The following GRIA1 variants were observed in gnomAD, a reference collection of about 807,000 sequenced individuals.
GRIA1 encodes the protein glutamate ionotropic receptor AMPA type subunit 1, also known as glutamate receptor 1.
A neutral mutation model predicts 99.2 loss-of-function variants in GRIA1; 31 were observed. The observed-to-expected ratio is 0.31, with a 90% confidence interval of 0.23 to 0.42. The LOEUF is 0.42. GRIA1 is among the 10% of genes least tolerant of loss of function. The pLI is 1.00. For synonymous variants in GRIA1, 438 were observed against 432.4 expected, an observed-to-expected ratio of 1.01 and a Z score of -0.16; for missense variants, 782 against 1,157.5, an observed-to-expected ratio of 0.68 and a Z score of 4.71.
intron 5 of GRIA1, among the ~76,000 whole-genome samples, chr5:153,670,510 A>G (rs1409150969): frequency 1.3e-5 from 2 of 152,200 alleles, no homozygotes; most frequent in Non-Finnish European, 2.9e-5. Context: ...CATGTTGTAA[A>G]TAGGCAAAGT....
chr5:153,697,452 T>C (rs1318466514), intron 8 of GRIA1, among the ~76,000 whole-genome samples: 1 of 152,136 alleles, frequency 6.6e-6, no homozygotes, highest in East Asian at 1.9e-4. Flanking sequence ...ATTTGAAAAA[T>C]TAATATTGTC....
chr5:153,731,844 C>T lies in GRIA1; in HGVS notation c.1823+25777C>T, dbSNP rs149151082. Among the ~76,000 whole-genome samples the T allele has an allele frequency of 4.2e-3, 641 of 152,118 alleles. 3 individuals carry two copies. Among genetic ancestry groups the T allele is most frequent in the African/African-American group, 0.014 (600 of 41,518 alleles). ...GTTTCTAAGCTGCACCTTAGGTATC[C>T]GGAACTTATTATTCGTTTTATAACT... On this transcript the variant is annotated intron_variant, in intron 11 of 15. Coordinates refer to ENST00000285900, the MANE Select transcript of GRIA1 (RefSeq NM_000827.4).
intron 2 of GRIA1, among the ~76,000 whole-genome samples, chr5:153,596,640 G>T (rs1198224981): frequency 6.6e-6 from 1 of 152,126 alleles, no homozygotes; most frequent in Non-Finnish European, 1.5e-5. Context: ...TCTGACGCTG[G>T]AAAAGCTGGG....
chr5:153,532,547 G>C (rs1246767792), intron 2 of GRIA1, among the ~76,000 whole-genome samples: 1 of 152,176 alleles, frequency 6.6e-6, no homozygotes, highest in East Asian at 1.9e-4. Context: ...TGGAACGTGT[G>C]CTCTTCAGTT....
At chr5:153,798,715 T>C (rs1355809561) in intron 14 of GRIA1, among the ~76,000 whole-genome samples, 1 of 152,166 alleles carries the variant, frequency 6.6e-6, no homozygotes, top group Non-Finnish European at 1.5e-5. Context: ...AAAGAAAGTT[T>C]CAAGTCTCTC....
intron 2 of GRIA1, among the ~76,000 whole-genome samples, chr5:153,597,190 T>C (rs1402846014): frequency 6.6e-6 from 1 of 152,196 alleles, no homozygotes; most frequent in Non-Finnish European, 1.5e-5. Flanking sequence ...CTTTGGTCAA[T>C]AGAAATTTGG....
intron 13 of GRIA1, among the ~76,000 whole-genome samples, chr5:153,778,555 A>G (rs1472556655): frequency 6.6e-6 from 1 of 151,968 alleles, no homozygotes; most frequent in Non-Finnish European, 1.5e-5. Context: ...CTTCTCACCC[A>G]TTAGGCAAGA....
chr5:153,585,133 AGTAGTCTCTCCT>A (rs1348063852), intron 2 of GRIA1, among the ~76,000 whole-genome samples: 1 of 152,102 alleles, frequency 6.6e-6, no homozygotes, highest in Admixed American at 6.5e-5. Context: ...AAGTCCTTCA[AGTAGTCTCTCCT>A]GCTGAAAGTG....
At chr5:153,712,893 G>A (rs1318563688) in intron 11 of GRIA1, among the ~76,000 whole-genome samples, 1 of 152,152 alleles carries the variant, frequency 6.6e-6, no homozygotes. Flanking sequence ...CAGCTCTCTA[G>A]AATTTGAAAC....
rs576562378 is a variant in GRIA1, at chr5:153,732,816, T to G, written c.1823+26749T>G. On this transcript the variant is annotated intron_variant, in intron 11 of 15. Transcript: ENST00000285900. ...TTGCCAAGACCAATGTCAAAAAGCTTTTGCTCTATGTTTTCTTCTAGGAGT... is the reference window on the plus strand; with the variant it reads ...TTGCCAAGACCAATGTCAAAAAGCTGTTGCTCTATGTTTTCTTCTAGGAGT... Among the ~76,000 whole-genome samples the G allele has an allele frequency of 2.6e-5, 4 of 152,068 alleles. No individual in the cohort carries two copies. The South Asian group carries it at 6.2e-4, about 24-fold the overall frequency.
chr5:153,628,414 C>T (rs1353004810), intron 2 of GRIA1, among the ~76,000 whole-genome samples: 1 of 152,154 alleles, frequency 6.6e-6, no homozygotes, highest in Non-Finnish European at 1.5e-5. Flanking sequence ...TCATATTTTC[C>T]TCTGTAAATG....
chr5:153,745,425 T>C (rs1472580860), intron 11 of GRIA1, among the ~76,000 whole-genome samples: 3 of 151,764 alleles, frequency 2.0e-5, no homozygotes, highest in African/African-American at 7.3e-5. Context: ...CCATCTCTAC[T>C]AAAGATACAA....
chr5:153,652,538 A>G (rs1425746706), intron 4 of GRIA1, among the ~76,000 whole-genome samples: 1 of 152,238 alleles, frequency 6.6e-6, no homozygotes, highest in Non-Finnish European at 1.5e-5. Context: ...TGGTCTGGCC[A>G]AAGAGCCTAG....
chr5:153,609,156 T>C (rs1765732062), intron 2 of GRIA1, among the ~76,000 whole-genome samples: 3 of 152,194 alleles, frequency 2.0e-5, no homozygotes, highest in Admixed American at 2.0e-4. Context: ...CTTAGTTGTT[T>C]AGTTGCTTAC....
At chr5:153,540,914 G>A (rs950445530) in intron 2 of GRIA1, among the ~76,000 whole-genome samples, 8 of 152,194 alleles carry the variant, frequency 5.3e-5, no homozygotes, top group African/African-American at 1.7e-4. Context: ...TTGAATGAAC[G>A]TTGGTGTGGC....
At chr5:153,667,439 C>T (rs1581432762) in intron 5 of GRIA1, among the ~76,000 whole-genome samples, 1 of 152,224 alleles carries the variant, frequency 6.6e-6, no homozygotes, top group African/African-American at 2.4e-5. Flanking sequence ...TTCATGTTCT[C>T]TCAGGCTTCT....
intron 11 of GRIA1, among the ~76,000 whole-genome samples, chr5:153,733,804 G>T (rs1761200829): frequency 6.6e-6 from 1 of 152,086 alleles, no homozygotes; most frequent in Non-Finnish European, 1.5e-5. Flanking sequence ...CATTGATCAA[G>T]AGGATATAAT....
At chr5:153,698,324 T>C (rs562661297) in intron 9 of GRIA1, among the ~76,000 whole-genome samples, 170 bp downstream of exon 9, 1 of 152,348 alleles carries the variant, frequency 6.6e-6, no homozygotes, top group East Asian at 1.9e-4. Context: ...GAGTTTTCAC[T>C]CTGTATCTCT....
intron 2 of GRIA1, among the ~76,000 whole-genome samples, chr5:153,639,533 A>T (rs543103794): frequency 1.3e-5 from 2 of 152,150 alleles, no homozygotes; most frequent in African/African-American, 2.4e-5. Flanking sequence ...CTCAGCTCCA[A>T]TGCTAGTGAC....
Sources: gnomAD v4.1 joint callset for allele counts (sites outside exome capture counted in the v4.1 genomes callset) on GRCh38, gnomAD v4.1.1 for gene constraint, MANE v1.5 for transcripts, NCBI Gene and HGNC (gene_info 2026-07-23, HGNC 2026-07-21) for gene names.